Variants in DPYD observed in about 807,000 individuals in gnomAD.
DPYD encodes the protein dihydropyrimidine dehydrogenase [NADP(+)].
Under a neutral mutation model 116.2 loss-of-function variants are expected in DPYD, and 109 were observed. The ratio of observed to expected loss-of-function variants is 0.94; its 90% CI spans 0.80 to 1.10. The LOEUF (loss-of-function observed/expected upper bound fraction) is 1.10. Among genes scored for constraint, DPYD ranks in the 50% least tolerant of loss-of-function variants. The probability of loss-of-function intolerance (pLI) is 0.00; values close to 1 mark genes in which losing one functional copy is unlikely to be tolerated. For synonymous variants in DPYD, 440 were observed against 432.0 expected, an observed-to-expected ratio of 1.02 and a Z score of -0.23; for missense variants, 1,302 against 1,254.5, an observed-to-expected ratio of 1.04 and a Z score of -0.57.
At chr1:97,755,853 C>T (rs1665197759) in intron 3 of DPYD, among the ~76,000 whole-genome samples, 1 of 152,082 alleles carries the variant, frequency 6.6e-6, no homozygotes, top group Admixed American at 6.6e-5. Context: ...TGGAACAGTT[C>T]CTGCCATTAA....
chr1:97,527,230 C>T (rs1301040701), intron 12 of DPYD, among the ~76,000 whole-genome samples: 3 of 152,084 alleles, frequency 2.0e-5, no homozygotes, highest in Admixed American at 1.3e-4. Flanking sequence ...AGGCGCCTGC[C>T]ACCACGCCCA....
intron 8 of DPYD, among the ~76,000 whole-genome samples, chr1:97,636,509 T>C (rs541232894): frequency 6.6e-6 from 1 of 152,318 alleles, no homozygotes; most frequent in East Asian, 1.9e-4. Context: ...AAATTAAGTA[T>C]GATTTATTTA....
intron 17 of DPYD, 41 bp from the exon 18 acceptor site, chr1:97,305,419 G>T (rs370800038): frequency 3.1e-6 from 5 of 1,610,886 alleles, no homozygotes; most frequent in Non-Finnish European, 4.2e-6. Context: ...GCTCTTATAA[G>T]ACACGATAGT....
intron 12 of DPYD, among the ~76,000 whole-genome samples, chr1:97,528,213 G>T (rs1300434235): frequency 1.3e-5 from 2 of 152,094 alleles, no homozygotes; most frequent in African/African-American, 4.8e-5. Context: ...CCTAGCTCCA[G>T]TGATTACAAT....
intron 18 of DPYD, among the ~76,000 whole-genome samples, chr1:97,251,407 A>G (rs1326855509): frequency 4.0e-5 from 6 of 151,406 alleles, no homozygotes; most frequent in Non-Finnish European, 4.4e-5. Flanking sequence ...AAAAAAAAAA[A>G]AAAAAAGAAA....
At chr1:97,281,666 G>A (rs1665332011) in intron 18 of DPYD, among the ~76,000 whole-genome samples, 1 of 151,908 alleles carries the variant, frequency 6.6e-6, no homozygotes, top group South Asian at 2.1e-4. Context: ...ATCAAACTAA[G>A]TCCCAGAAAA....
chr1:97,233,117 T>C (rs1557959159), intron 19 of DPYD, among the ~76,000 whole-genome samples: 1 of 152,200 alleles, frequency 6.6e-6, no homozygotes, highest in Non-Finnish European at 1.5e-5. Context: ...GGTATCTTAC[T>C]TGGCTTTCTT....
In DPYD at chr1:97,562,111, T is replaced by C. The variant is rs550849941; in HGVS notation, c.1339+11649A>G. Among the ~76,000 whole-genome samples, 255 of 152,250 alleles carry C rather than the reference T, an allele frequency of 1.7e-3. 1 individual carries two copies. The highest frequency in any genetic ancestry group is 6.0e-3 in the African/African-American group (250 of 41,546). On this transcript the variant is annotated intron_variant, in intron 11 of 22. Coordinates refer to ENST00000370192, the MANE Select transcript of DPYD (RefSeq NM_000110.4). ...TATAATTAATACAAAACACATATAA[T>C]AAATACAGAATGAAAGAATGGGAAG...
intron 13 of DPYD, among the ~76,000 whole-genome samples, chr1:97,498,640 A>T (rs780605354): frequency 6.6e-6 from 1 of 151,738 alleles, no homozygotes. Flanking sequence ...CTACATTTTA[A>T]AAATTATTTT....
At chr1:97,161,695 A>ATATC (rs1197539697) in intron 20 of DPYD, among the ~76,000 whole-genome samples, 1 of 144,250 alleles carries the variant, frequency 6.9e-6, no homozygotes, top group African/African-American at 2.6e-5. Context: ...AGCATTAGGT[A>ATATC]TATCTCCTAA....
chr1:97,538,542 CAG>C (rs1303554249), intron 12 of DPYD, among the ~76,000 whole-genome samples: 7 of 152,262 alleles, frequency 4.6e-5, no homozygotes, highest in African/African-American at 1.7e-4. Context: ...AAAATACACA[CAG>C]AAAAAATCTA....
At chr1:97,172,640 C>T (rs1299903731) in intron 20 of DPYD, among the ~76,000 whole-genome samples, 2 of 152,066 alleles carry the variant, frequency 1.3e-5, no homozygotes, top group South Asian at 2.1e-4. Flanking sequence ...CTTCTCGTCA[C>T]AGATGAAGGA....
At chr1:97,882,130 A>C (rs1314684173) in intron 2 of DPYD, among the ~76,000 whole-genome samples, 1 of 152,004 alleles carries the variant, frequency 6.6e-6, no homozygotes, top group Non-Finnish European at 1.5e-5. Context: ...TTCCTTGAAC[A>C]ATCTGAATCA....
At chr1:97,820,585 T>C (rs936033957) in intron 3 of DPYD, among the ~76,000 whole-genome samples, 1 of 152,296 alleles carries the variant, frequency 6.6e-6, no homozygotes, top group African/African-American at 2.4e-5. Flanking sequence ...CACCTACAAA[T>C]AGTATACACA....
intron 16 of DPYD, among the ~76,000 whole-genome samples, chr1:97,363,559 C>T (rs951256844): frequency 1.3e-5 from 2 of 152,112 alleles, no homozygotes; most frequent in Non-Finnish European, 2.9e-5. Flanking sequence ...GCCCAAAGGT[C>T]CATCAATGAT....
chr1:97,164,385 C>G (rs982434991), intron 20 of DPYD, among the ~76,000 whole-genome samples: 9 of 152,120 alleles, frequency 5.9e-5, no homozygotes, highest in Non-Finnish European at 1.2e-4. Context: ...GATGCCCCCT[C>G]TCACCACTCC....
intron 20 of DPYD, among the ~76,000 whole-genome samples, chr1:97,183,946 TTTG>T (rs936192405): frequency 2.0e-5 from 3 of 152,004 alleles, no homozygotes; most frequent in Non-Finnish European, 4.4e-5. Flanking sequence ...GGCCCCAGTG[TTTG>T]TTGTTCCCTA....
At chr1:97,080,266 T>A (rs1649062653) in intron 22 of DPYD, among the ~76,000 whole-genome samples, 1 of 152,226 alleles carries the variant, frequency 6.6e-6, no homozygotes, top group Non-Finnish European at 1.5e-5. Flanking sequence ...ATGGTACCCC[T>A]TGAGGCCAGG....
intron 13 of DPYD, among the ~76,000 whole-genome samples, chr1:97,487,529 C>T (rs1024204706): frequency 7.9e-5 from 12 of 151,884 alleles, no homozygotes; most frequent in Admixed American, 1.3e-4. Context: ...AAAAATTAGC[C>T]GGGTGTGGTG....
Sources: gnomAD v4.1 joint callset for allele counts (sites outside exome capture counted in the v4.1 genomes callset) on GRCh38, gnomAD v4.1.1 for gene constraint, MANE v1.5 for transcripts, NCBI Gene and HGNC (gene_info 2026-07-23, HGNC 2026-07-21) for gene names.